Variants in MTDH observed in about 807,000 individuals in gnomAD.
MTDH encodes the protein protein LYRIC.
In MTDH, 34 loss-of-function variants were observed where a neutral mutation model predicts 72.7. The ratio of observed to expected loss-of-function variants is 0.47; its 90% confidence interval spans 0.36 to 0.62. The LOEUF (loss-of-function observed/expected upper bound fraction) is 0.62, where lower values mean the gene tolerates loss of function less well. Ranked by LOEUF, MTDH falls within the 20% of genes least tolerant of loss-of-function variation. MTDH has a pLI of 0.00. For missense variants in MTDH, 677 were observed against 699.4 expected (o/e 0.97, Z 0.36); for synonymous variants, 266 against 268.9 (o/e 0.99, Z 0.10).
chr8:97,675,610 T>C (rs1260423675), intron 2 of MTDH, among the ~76,000 whole-genome samples: 2 of 144,166 alleles, frequency 1.4e-5, no homozygotes, highest in Non-Finnish European at 3.0e-5. Flanking sequence ...AGGGGACTCA[T>C]ACCTGTAATC....
intron 4 of MTDH, 53 bp downstream of exon 4, chr8:97,687,658 C>A: frequency 7.1e-7 from 1 of 1,398,638 alleles, no homozygotes; most frequent in Non-Finnish European, 9.7e-7. Flanking sequence ...TCCTTTTATT[C>A]GGATGTACAA....
Position 97,729,942 on chromosome 8 carries a change from T to C in MTDH, c.*5272T>C, listed in dbSNP as rs559738760. 3.5e-4 allele frequency among the ~76,000 whole-genome samples: 54 copies of C among 152,328 alleles called. No individual in the cohort carries two copies. Among genetic ancestry groups the C allele is most frequent in the Middle Eastern group, 3.4e-3 (1 of 294 alleles). On this transcript the variant is annotated 3_prime_UTR_variant, in exon 12 of 12. Transcript: ENST00000336273. ...GAAAGAGAATCACCCTGGTATATAA[T>C]ATTTTAAAACATGAAAAAGGCATTA... is the stretch of plus-strand genomic sequence containing the variant.
chr8:97,690,119 G>A (rs1289487363), intron 5 of MTDH, among the ~76,000 whole-genome samples: 1 of 151,492 alleles, frequency 6.6e-6, no homozygotes, highest in East Asian at 1.9e-4. Context: ...AGCCTCCTGA[G>A]TAGCTGGGAT....
chr8:97,673,213 G>A (rs1328162263), intron 2 of MTDH, among the ~76,000 whole-genome samples: 1 of 152,172 alleles, frequency 6.6e-6, no homozygotes, highest in African/African-American at 2.4e-5. Context: ...CTGTCTGGTG[G>A]TAAGTGCTAT....
intron 8 of MTDH, among the ~76,000 whole-genome samples, chr8:97,710,683 CAAAAAA>C (rs376391821): frequency 5.3e-4 from 28 of 53,122 alleles, no homozygotes; most frequent in African/African-American, 1.8e-3. Context: ...GAGACTATCT[CAAAAAA>C]AAAAAAAAAA....
In MTDH at chr8:97,728,473, T is replaced by C. The variant is rs1010658300; in HGVS notation, c.*3803T>C. The C allele has an allele frequency of 3.9e-5, 6 of 152,202 alleles. No homozygotes were observed. Among genetic ancestry groups the C allele is most frequent in the African/African-American group, 1.2e-4 (5 of 41,460 alleles). 9.4% of individuals were successfully genotyped at this position (152,202 alleles called of 1,614,324 possible). On this transcript the variant is annotated 3_prime_UTR_variant, in exon 12 of 12. Coordinates refer to ENST00000336273, the MANE Select transcript of MTDH (RefSeq NM_178812.4). Reference sequence around the variant, plus strand: ...TCTACAGAAAACTTCTTCTATCTTATGTCATTTTAGCAGTAGATGTAGCTG... The same window carrying C: ...TCTACAGAAAACTTCTTCTATCTTACGTCATTTTAGCAGTAGATGTAGCTG...
intron 2 of MTDH, among the ~76,000 whole-genome samples, chr8:97,670,472 A>G: frequency 6.6e-6 from 1 of 151,964 alleles, no homozygotes; most frequent in Non-Finnish European, 1.5e-5. Flanking sequence ...CAAAAAGAAA[A>G]TTAGCTGGGT....
rs71271144 is a variant in MTDH at position 97,683,045 on chromosome 8, CTTTTTTTTTTTTTTTTTTTTTT to C, written c.484-3607_484-3586del. 4.4e-3 allele frequency among the ~76,000 whole-genome samples: 197 copies of C among 44,386 alleles called. 4 individuals are homozygous for C. Among genetic ancestry groups the C allele is most frequent in the East Asian group, 8.0e-3 (8 of 1,000 alleles). The allele number at this position is 44,386 out of a possible 152,430, so 29.1% of individuals were successfully genotyped here. ...CTTTACCCTATGATGCTCTTAGACACTTTTTTTTTTTTTTTTTTTTTTTTTTTTTTTTTTTTTGAGATGGAGT... is the reference window on the plus strand; with the variant it reads ...CTTTACCCTATGATGCTCTTAGACACTTTTTTTTTTTTTTTGAGATGGAGT... On this transcript the variant is annotated intron_variant, in intron 2 of 11. Coordinates refer to ENST00000336273, the MANE Select transcript of MTDH (RefSeq NM_178812.4).
At chr8:97,715,630 A>G (rs1586281200) in intron 9 of MTDH, among the ~76,000 whole-genome samples, 1 of 152,220 alleles carries the variant, frequency 6.6e-6, no homozygotes, top group South Asian at 2.1e-4. Context: ...CTAACACTCT[A>G]TAATAGGTAT....
At chr8:97,667,435 T>C (rs1033848408) in intron 2 of MTDH, among the ~76,000 whole-genome samples, 1 of 152,254 alleles carries the variant, frequency 6.6e-6, no homozygotes, top group Non-Finnish European at 1.5e-5. Context: ...ATGGAATATA[T>C]GCATAAAGTT....
At chr8:97,687,059 T>C (rs77641276) in intron 3 of MTDH, among the ~76,000 whole-genome samples, 4,315 of 152,252 alleles carry the variant, frequency 0.028, 142 homozygotes, top group African/African-American at 0.072. Context: ...CCCGTGGTTC[T>C]TAAATATACC....
chr8:97,668,803 C>A (rs1199462806), intron 2 of MTDH, among the ~76,000 whole-genome samples: 1 of 152,156 alleles, frequency 6.6e-6, no homozygotes, highest in African/African-American at 2.4e-5. Flanking sequence ...GGCCCGCCCA[C>A]CTCGGCCTCC....
intron 6 of MTDH, among the ~76,000 whole-genome samples, chr8:97,694,022 T>C (rs556993161): frequency 1.3e-5 from 2 of 152,286 alleles, no homozygotes; most frequent in African/African-American, 2.4e-5. Flanking sequence ...CCTACTATTT[T>C]ATTTTTTAAA....
At chr8:97,716,288 A>T (rs2131073952) in intron 9 of MTDH, among the ~76,000 whole-genome samples, 1 of 152,236 alleles carries the variant, frequency 6.6e-6, no homozygotes, top group South Asian at 2.1e-4. Context: ...CGGGAGGCTG[A>T]GGTAGGAGAA....
At chr8:97,645,035 A>G (rs1586192143) in intron 1 of MTDH, 148 bp downstream of exon 1, 1 of 890,296 alleles carries the variant, frequency 1.1e-6, no homozygotes, top group African/African-American at 1.8e-5. Flanking sequence ...GGAGGAGGTG[A>G]TAGGTGGTCA....
intron 4 of MTDH, 46 bp downstream of exon 4, chr8:97,687,651 T>A (rs1283269601): frequency 7.0e-7 from 1 of 1,436,208 alleles, no homozygotes; most frequent in Non-Finnish European, 9.4e-7. Flanking sequence ...ATCAAACTCC[T>A]TTTATTCGGA....
intron 2 of MTDH, among the ~76,000 whole-genome samples, chr8:97,670,499 G>A (rs907556302): frequency 2.0e-5 from 3 of 152,002 alleles, no homozygotes; most frequent in East Asian, 3.9e-4. Flanking sequence ...GCGTGTGCCC[G>A]TATAATCCCA....
At chr8:97,659,119 G>C (rs1212307850) in intron 1 of MTDH, among the ~76,000 whole-genome samples, 2 of 151,582 alleles carry the variant, frequency 1.3e-5, no homozygotes, top group Non-Finnish European at 2.9e-5. Flanking sequence ...CTCCAGCCTG[G>C]GCAACAGAGC....
intron 9 of MTDH, among the ~76,000 whole-genome samples, chr8:97,718,733 A>G (rs1254501812): frequency 6.6e-6 from 1 of 150,722 alleles, no homozygotes; most frequent in Non-Finnish European, 1.5e-5. Context: ...TTGAGACAGA[A>G]TCACCCAGCC....
Sources: allele counts gnomAD v4.1 joint callset (sites outside exome capture counted in the v4.1 genomes callset), GRCh38; gene constraint gnomAD v4.1.1; transcripts MANE v1.5; gene names NCBI Gene and HGNC (gene_info 2026-07-23, HGNC 2026-07-21).